PPP6R2: variants seen among roughly 807,000 people sequenced by gnomAD.
The protein encoded by PPP6R2 is protein phosphatase 6 regulatory subunit 2.
In PPP6R2, 62 loss-of-function variants were observed where a neutral mutation model predicts 100.2. The observed-to-expected ratio is 0.62, with a 90% CI of 0.50 to 0.76. PPP6R2 has a LOEUF of 0.76. Among genes scored for constraint, PPP6R2 ranks in the 30% least tolerant of loss-of-function variants. The pLI is 0.00. For synonymous variants in PPP6R2, 525 were observed against 514.7 expected (o/e 1.02, Z -0.27); for missense variants, 1,142 against 1,276.3 (o/e 0.89, Z 1.60).
chr22:50,347,804 C>G (rs566187763), intron 1 of PPP6R2, among the ~76,000 whole-genome samples: 1 of 152,280 alleles, frequency 6.6e-6, no homozygotes, highest in Admixed American at 6.5e-5. Context: ...TTCTCCTTGC[C>G]CCTGCAGTTG....
intron 1 of PPP6R2, among the ~76,000 whole-genome samples, chr22:50,355,859 A>C (rs1364742375): frequency 4.6e-5 from 7 of 150,966 alleles, no homozygotes; most frequent in Non-Finnish European, 1.0e-4. Flanking sequence ...AAAACCAAAA[A>C]AAAAGCTTTT....
the PPP6R2 span, among the ~76,000 whole-genome samples, chr22:50,332,510 G>A: frequency 2.0e-5 from 3 of 151,628 alleles, no homozygotes; most frequent in East Asian, 1.9e-4. Flanking sequence ...GATTACAGGC[G>A]TGAGCCACTG....
At position 50,431,989 on chromosome 22, in the gene PPP6R2, G is replaced by A. The variant is rs1010513771; in HGVS notation, c.1336-276G>A. Among the ~76,000 whole-genome samples, 6 of 152,158 alleles carry A rather than the reference G, an allele frequency of 3.9e-5. No individual in the cohort carries two copies. The highest frequency in any genetic ancestry group is 1.4e-4 in the African/African-American group (6 of 41,440). ...GGAGAAGGCCCAGGGGAAGACAGGGGTCAGGGGGCAATTCCAGGAGTTGGA... is the reference window on the plus strand; with the variant it reads ...GGAGAAGGCCCAGGGGAAGACAGGGATCAGGGGGCAATTCCAGGAGTTGGA... On this transcript the variant is annotated intron_variant, in intron 11 of 23. Transcript: ENST00000612753. The surrounding 1 kb of genome is among the most constrained non-coding windows in gnomAD (Gnocchi z 4.8).
chr22:50,358,070 C>T (rs1253908010), intron 1 of PPP6R2, among the ~76,000 whole-genome samples: 1 of 151,976 alleles, frequency 6.6e-6, no homozygotes, highest in Non-Finnish European at 1.5e-5. Flanking sequence ...CCTCAGCCTC[C>T]CAAGTAGCTA....
chr22:50,337,948 G>C, the PPP6R2 span, among the ~76,000 whole-genome samples: 1 of 134,612 alleles, frequency 7.4e-6, no homozygotes, highest in Non-Finnish European at 1.6e-5. Flanking sequence ...ATGTGTGTGT[G>C]ATGTGTGTGG....
intron 3 of PPP6R2, among the ~76,000 whole-genome samples, chr22:50,404,240 G>A (rs1047930707): frequency 2.0e-5 from 3 of 151,092 alleles, no homozygotes; most frequent in Non-Finnish European, 2.9e-5. Flanking sequence ...CATTACAGGC[G>A]CCCACCACCA....
At chr22:50,391,702 G>GTTT (rs71198243) in intron 2 of PPP6R2, among the ~76,000 whole-genome samples, 11 of 144,920 alleles carry the variant, frequency 7.6e-5, no homozygotes, top group Non-Finnish European at 1.5e-4. Context: ...GTATCTTGCT[G>GTTT]TTTTTTTTTT....
chr22:50,376,764 G>A (rs1464138210), intron 2 of PPP6R2, among the ~76,000 whole-genome samples: 1 of 152,126 alleles, frequency 6.6e-6, no homozygotes, highest in South Asian at 2.1e-4. Context: ...ATTTGGCTGG[G>A]TGCAGTGGCT....
chr22:50,335,288 C>A, the PPP6R2 span, among the ~76,000 whole-genome samples: 1 of 139,738 alleles, frequency 7.2e-6, no homozygotes, highest in Non-Finnish European at 1.5e-5. Context: ...TGGTTTTGAT[C>A]TCCTCACCTG....
chr22:50,437,074 G>C lies in PPP6R2; in HGVS notation c.1683+6G>C. On this transcript the variant is annotated splice_donor_region_variant and intron_variant, in intron 15 of 23. Transcript: ENST00000612753. ...ACGAGCTGTCCCTTCAGCAGGTGAG[G>C]GCGTGGCCGGCACCTGCACCCTGCC... The C allele has an allele frequency of 6.4e-7, 1 of 1,555,712 alleles. No individual in the cohort carries two copies. The highest frequency in any genetic ancestry group is 1.2e-5 in the South Asian group (1 of 84,502).
rs1181944328 is a variant in PPP6R2, at chr22:50,423,737, C to T, written c.1125+123C>T. The T allele has an allele frequency of 7.9e-7, 1 of 1,261,738 alleles. No homozygotes were observed. The highest frequency in any genetic ancestry group is 1.5e-5 in the African/African-American group (1 of 67,402). 78.2% of individuals were successfully genotyped at this position (1,261,738 alleles called of 1,614,324 possible). A position where few individuals can be genotyped will look rare whatever the true frequency, so the allele number is the denominator to read the frequency against. ...ACAAAGCTCTGCCACGGGGAGGTTCCAGTCCCAAGTCCCAAGGCTGGACTA... is the reference window on the plus strand; with the variant it reads ...ACAAAGCTCTGCCACGGGGAGGTTCTAGTCCCAAGTCCCAAGGCTGGACTA... On this transcript the variant is annotated intron_variant, in intron 10 of 23. Coordinates refer to ENST00000612753, the MANE Select transcript of PPP6R2 (RefSeq NM_001242898.2). This position sits in a 1 kb window ranked among gnomAD's most constrained non-coding sequence, Gnocchi z 4.8.
intron 1 of PPP6R2, among the ~76,000 whole-genome samples, chr22:50,351,038 T>G (rs112108884): frequency 0.044 from 2,919 of 65,688 alleles, 60 homozygotes; most frequent in South Asian, 0.077. Context: ...TTTTTTTTTT[T>G]TTTTTTTTTT....
intron 3 of PPP6R2, among the ~76,000 whole-genome samples, chr22:50,402,601 G>C (rs145102720): frequency 6.6e-6 from 1 of 152,074 alleles, no homozygotes; most frequent in East Asian, 1.9e-4. Flanking sequence ...CAGTCTTCAC[G>C]TGGCCGGCTG....
chr22:50,383,346 T>C (rs1487669290), intron 2 of PPP6R2, among the ~76,000 whole-genome samples: 1 of 152,240 alleles, frequency 6.6e-6, no homozygotes, highest in African/African-American at 2.4e-5. Flanking sequence ...TTTCGAGTCC[T>C]TTTGGAAGTC....
chr22:50,427,863 G>A (rs139752521), intron 10 of PPP6R2, among the ~76,000 whole-genome samples: 104 of 152,348 alleles, frequency 6.8e-4, no homozygotes, highest in African/African-American at 2.4e-3. Context: ...TGGGACTACA[G>A]GTGCCTGCTA....
rs2059005216 is a variant in PPP6R2, at chr22:50,406,696, A to C, written c.235A>C (p.Asn79His). ...MEEKVRFKYP[N>H]TACELLTCDV... is the part of the protein sequence containing the mutation. ...TGGACTGTGCCCTTTTAGATATCCA[A>C]ACACAGCCTGTGAGCTTCTGACTTG... The change falls in exon 4 of 24, where the codon AAC becomes CAC. Residue 79 changes from asparagine (N) to histidine (H), a missense_variant. By Grantham distance (68) the Asn-to-His change is moderately conservative. This residue lies in a region of PPP6R2 where 592 missense variants were observed against 758.9 expected (regional missense o/e 0.78). Transcript: ENST00000612753. 6.2e-7 allele frequency: 1 copy of C among 1,613,188 alleles called. No homozygotes were observed. The highest frequency in any genetic ancestry group is 1.7e-5 in the Admixed American group (1 of 59,974).
intron 3 of PPP6R2, among the ~76,000 whole-genome samples, chr22:50,404,418 T>C (rs956074027): frequency 6.7e-6 from 1 of 149,926 alleles, no homozygotes; most frequent in African/African-American, 2.5e-5. Flanking sequence ...TAAGTCAGAG[T>C]CTTACTCTGC....
intron 4 of PPP6R2, among the ~76,000 whole-genome samples, chr22:50,408,906 G>C (rs952427275): frequency 6.6e-6 from 1 of 152,222 alleles, no homozygotes; most frequent in Non-Finnish European, 1.5e-5. Flanking sequence ...CCTGAGGTCA[G>C]GAGTTCGAGA....
chr22:50,338,701 G>GTA (rs2042332077), upstream of PPP6R2, among the ~76,000 whole-genome samples: 1 of 147,030 alleles, frequency 6.8e-6, no homozygotes. Flanking sequence ...TGTGTGGTGT[G>GTA]TGTAGGGTGT....
Sources: allele counts gnomAD v4.1 joint callset (sites outside exome capture counted in the v4.1 genomes callset), GRCh38; gene constraint gnomAD v4.1.1; regional missense constraint gnomAD v4.1.1; non-coding constraint Gnocchi (gnomAD v3.1); transcripts MANE v1.5; gene names NCBI Gene and HGNC (gene_info 2026-07-23, HGNC 2026-07-21).